The following GRM5 variants were observed in gnomAD, a reference collection of about 807,000 sequenced individuals.
GRM5 encodes the protein metabotropic glutamate receptor 5.
In GRM5, 19 loss-of-function variants were observed where a neutral mutation model predicts 83.1. The observed-to-expected ratio is 0.23, with a 90% confidence interval of 0.16 to 0.34. The LOEUF (loss-of-function observed/expected upper bound fraction) is 0.34. Among genes scored for constraint, GRM5 ranks in the 10% least tolerant of loss-of-function variants. The pLI, the probability that GRM5 is intolerant of heterozygous loss-of-function variation, is 1.00. For missense variants in GRM5, 1,160 were observed against 1,588.3 expected, an observed-to-expected ratio of 0.73 and a Z score of 4.58; for synonymous variants, 675 against 633.6, an observed-to-expected ratio of 1.07 and a Z score of -0.98.
At chr11:88,577,117 C>G (rs867746656) in intron 7 of GRM5, among the ~76,000 whole-genome samples, 7 of 150,690 alleles carry the variant, frequency 4.6e-5, no homozygotes, top group Admixed American at 3.3e-4. Flanking sequence ...TTTTTTTTTT[C>G]CTTTGAGGCA....
intron 3 of GRM5, among the ~76,000 whole-genome samples, chr11:88,822,840 T>G (rs1030369974): frequency 1.3e-5 from 2 of 151,900 alleles, no homozygotes; most frequent in Non-Finnish European, 2.9e-5. Context: ...GCCCAATTTC[T>G]CTCTGGAAAT....
chr11:88,717,586 C>T (rs1941425664), intron 3 of GRM5, among the ~76,000 whole-genome samples: 1 of 151,854 alleles, frequency 6.6e-6, no homozygotes, highest in Admixed American at 6.6e-5. Flanking sequence ...TGAAACACAT[C>T]ACTGAATTAG....
intron 3 of GRM5, among the ~76,000 whole-genome samples, chr11:88,743,320 A>G (rs1460281559): frequency 6.6e-6 from 1 of 152,152 alleles, no homozygotes; most frequent in Non-Finnish European, 1.5e-5. Flanking sequence ...GATAGACTTC[A>G]TGTTATGTTC....
intron 3 of GRM5, among the ~76,000 whole-genome samples, chr11:88,841,028 G>T (rs1944189961): frequency 6.6e-6 from 1 of 152,188 alleles, no homozygotes; most frequent in South Asian, 2.1e-4. Context: ...AATGCTAGAA[G>T]ATTAGCAACT....
At chr11:89,016,828 T>C (rs1257019109) in intron 2 of GRM5, among the ~76,000 whole-genome samples, 5 of 152,124 alleles carry the variant, frequency 3.3e-5, no homozygotes, top group Non-Finnish European at 5.9e-5. Flanking sequence ...CAGGAAGATA[T>C]TTTCCTAAAG....
chr11:88,836,666 A>G (rs1308317510), intron 3 of GRM5, among the ~76,000 whole-genome samples: 4 of 152,096 alleles, frequency 2.6e-5, no homozygotes. Context: ...ATGGTGGTGC[A>G]TGTCTGTAAT....
At chr11:88,848,814 A>T (rs1697753120) in intron 3 of GRM5, among the ~76,000 whole-genome samples, 1 of 152,234 alleles carries the variant, frequency 6.6e-6, no homozygotes, top group Non-Finnish European at 1.5e-5. Flanking sequence ...TGAAATTAAC[A>T]TTTGAAGCAG....
chr11:88,594,994 A>T (rs76384426), intron 6 of GRM5, among the ~76,000 whole-genome samples: 1 of 151,862 alleles, frequency 6.6e-6, no homozygotes, highest in South Asian at 2.1e-4. Context: ...CCTTCATTGA[A>T]TTTTCATTTC....
At chr11:88,545,144 A>G (rs1942359419) in intron 8 of GRM5, among the ~76,000 whole-genome samples, 1 of 152,128 alleles carries the variant, frequency 6.6e-6, no homozygotes, top group South Asian at 2.1e-4. Flanking sequence ...TCATCTTTGA[A>G]ACACATTTTT....
At position 88,736,570 on chromosome 11, in the gene GRM5, T is replaced by C. The variant is rs188363939; in HGVS notation, c.912-83167A>G. ...ATTACATAGTAGAGTTAATGTTCCC[T>C]GATTTCCTTTCCAACTTTGTTACAA... On this transcript the variant is annotated intron_variant, in intron 3 of 9. Coordinates refer to ENST00000305447, the MANE Select transcript of GRM5 (RefSeq NM_001143831.3). 1.5e-4 allele frequency among the ~76,000 whole-genome samples: 23 copies of C among 152,202 alleles called. No homozygotes were observed. The East Asian group carries it at 3.5e-3, about 23-fold the overall frequency.
At chr11:88,823,669 T>C (rs576738983) in intron 3 of GRM5, among the ~76,000 whole-genome samples, 4 of 152,258 alleles carry the variant, frequency 2.6e-5, no homozygotes, top group African/African-American at 9.6e-5. Context: ...AAGGAGATAC[T>C]CCCACTTTCC....
chr11:88,791,573 A>T (rs984194870), intron 3 of GRM5, among the ~76,000 whole-genome samples: 3 of 152,186 alleles, frequency 2.0e-5, no homozygotes, highest in Non-Finnish European at 4.4e-5. Context: ...TGATAACTTG[A>T]TAACTTGGAC....
At chr11:88,961,024 A>T (rs1261489792) in intron 2 of GRM5, among the ~76,000 whole-genome samples, 1 of 152,206 alleles carries the variant, frequency 6.6e-6, no homozygotes, top group Admixed American at 6.5e-5. Flanking sequence ...CTGGATTTCA[A>T]TCCAATGGTG....
chr11:88,726,862 C>T (rs987316314), intron 3 of GRM5, among the ~76,000 whole-genome samples: 7 of 152,144 alleles, frequency 4.6e-5, no homozygotes, highest in Admixed American at 4.6e-4. Context: ...CATCACCAGG[C>T]CTGCCTTACA....
At chr11:89,037,397 C>T (rs1187299499) in intron 2 of GRM5, among the ~76,000 whole-genome samples, 1 of 151,862 alleles carries the variant, frequency 6.6e-6, no homozygotes, top group Non-Finnish European at 1.5e-5. Flanking sequence ...TACCATTTAC[C>T]AAAATTATAC....
At chr11:88,719,674 TCCCACCAA>T (rs1941487821) in intron 3 of GRM5, among the ~76,000 whole-genome samples, 1 of 152,050 alleles carries the variant, frequency 6.6e-6, no homozygotes, top group South Asian at 2.1e-4. Flanking sequence ...TAATTTACAC[TCCCACCAA>T]CAGTGTATAA....
intron 9 of GRM5, among the ~76,000 whole-genome samples, chr11:88,510,931 A>G (rs896599523): frequency 1.4e-4 from 22 of 152,222 alleles, no homozygotes; most frequent in African/African-American, 5.3e-4. Flanking sequence ...AGGGGCTGTG[A>G]CCAACAGATA....
chr11:88,827,802 A>G (rs760401020), intron 3 of GRM5, among the ~76,000 whole-genome samples: 1 of 152,208 alleles, frequency 6.6e-6, no homozygotes, highest in Non-Finnish European at 1.5e-5. Flanking sequence ...CCCTTTCCTC[A>G]TGGAGCTTAC....
intron 3 of GRM5, among the ~76,000 whole-genome samples, chr11:88,830,473 A>G (rs1361307646): frequency 1.3e-5 from 2 of 152,226 alleles, no homozygotes; most frequent in Non-Finnish European, 1.5e-5. Context: ...CTTAGAAAGA[A>G]TGCTGAAATT....
Sources: allele counts gnomAD v4.1 joint callset (sites outside exome capture counted in the v4.1 genomes callset), GRCh38; gene constraint gnomAD v4.1.1; transcripts MANE v1.5; gene names NCBI Gene and HGNC (gene_info 2026-07-23, HGNC 2026-07-21).